Variants in ZNF648 observed in about 807,000 individuals in gnomAD.
ZNF648 encodes the protein zinc finger protein 648.
Under a neutral mutation model 0.3 loss-of-function variants are expected in ZNF648, and 1 was observed. The ratio of observed to expected loss-of-function variants is 3.90; its 90% CI spans 1.39 to 18.51. The LOEUF (loss-of-function observed/expected upper bound fraction) is 18.51. ZNF648 is among the 30% of genes most tolerant of loss of function. The probability of loss-of-function intolerance (pLI) is 0.11; values close to 1 mark genes in which losing one functional copy is unlikely to be tolerated. For missense variants in ZNF648, 874 were observed against 769.7 expected (o/e 1.14, Z -1.60); for synonymous variants, 376 against 326.8 (o/e 1.15, Z -1.62).
At chr1:182,058,334 G>C (rs1665975593) in intron 1 of ZNF648, among the ~76,000 whole-genome samples, 1 of 152,156 alleles carries the variant, frequency 6.6e-6, no homozygotes, top group Admixed American at 6.5e-5. Flanking sequence ...CTGGGTGCCA[G>C]CTGTGCCTTG....
At position 182,058,006 on chromosome 1, in the gene ZNF648, G is replaced by T. The variant is rs772315055; in HGVS notation, c.5C>A (p.Ala2Glu). Residue 2 changes from alanine to glutamate, a missense_variant, in exon 2 of 2, where the codon GCA becomes GAA. Coordinates refer to ENST00000339948, the MANE Select transcript of ZNF648 (RefSeq NM_001009992.1). Reference sequence around the variant, plus strand: ...CCACCTGTCCTGGGAGTCCACTTGTGCCATGATGTTCAGGCGCTTCTATTG... The same window carrying T: ...CCACCTGTCCTGGGAGTCCACTTGTTCCATGATGTTCAGGCGCTTCTATTG... M[A>E]QVDSQDRWGE... is the part of the protein sequence containing the mutation. 1.2e-6 allele frequency: 2 copies of T among 1,602,982 alleles called. No homozygotes were observed. The highest frequency in any genetic ancestry group is 1.1e-5 in the South Asian group (1 of 89,128).
chr1:182,067,979 G>A, the ZNF648 span, among the ~76,000 whole-genome samples: 2 of 152,322 alleles, frequency 1.3e-5, no homozygotes, highest in African/African-American at 4.8e-5. Flanking sequence ...AGACTTCTGG[G>A]AATCTTCTAT....
intron 1 of ZNF648, 69 bp from the exon 2 acceptor site, chr1:182,058,142 C>CT (rs1665972833): frequency 1.8e-6 from 2 of 1,111,442 alleles, no homozygotes; most frequent in East Asian, 5.1e-5. Flanking sequence ...AGCAGAGGGA[C>CT]TGAGGTTCCC....
At chr1:182,058,963 C>T (rs981006953) in intron 1 of ZNF648, among the ~76,000 whole-genome samples, 3 of 152,146 alleles carry the variant, frequency 2.0e-5, no homozygotes, top group African/African-American at 7.2e-5. Flanking sequence ...GCTGGGATTA[C>T]AGGTGCCCAC....
rs780441664 is a variant in ZNF648 at position 182,057,833 on chromosome 1, G to A, written c.178C>T (p.Pro60Ser). 5 of 1,614,168 alleles carry A rather than the reference G, an allele frequency of 3.1e-6. No homozygotes were observed. Among genetic ancestry groups the A allele is most frequent in the Non-Finnish European group, 3.4e-6 (4 of 1,180,024 alleles). Residue 60 changes from proline (P) to serine (S), a missense_variant, in exon 2 of 2, where the codon CCA (proline) becomes TCA (serine). Coordinates refer to ENST00000339948, the MANE Select transcript of ZNF648 (RefSeq NM_001009992.1). ...AAGTCAGGATTTTCGTGTGTTACTG[G>A]GGAGCTGCCCCTTGGACAGGCCACC... ...DPVACPRGSSPVTHENPDLPW... is the reference protein window; with the variant it reads ...DPVACPRGSSSVTHENPDLPW...
At chr1:182,065,236 G>A (rs531795856), upstream of ZNF648, among the ~76,000 whole-genome samples, 5 of 152,228 alleles carry the variant, frequency 3.3e-5, no homozygotes, top group African/African-American at 1.2e-4. Flanking sequence ...GTCCCTCAGA[G>A]CCTGCATGCT....
Position 182,057,280 on chromosome 1 carries a change from T to G in ZNF648, c.731A>C (p.Glu244Ala). Residue 244 changes from glutamate to alanine, a missense_variant, in exon 2 of 2, where the codon GAG (glutamate) becomes GCG (alanine). Glu to Ala is a moderately radical substitution (Grantham distance 107). Transcript: ENST00000339948. ...GCACCTGTAGGGACGCGCCTCAGCC[T>G]CTCCGCCCTCGCGCCGGCCCGCCTG... is the stretch of plus-strand genomic sequence containing the variant. ...QNQAGRREGGEAEARPYRCLR... is the reference protein window; with the variant it reads ...QNQAGRREGGAAEARPYRCLR... 1 of 1,593,322 alleles carries G rather than the reference T, an allele frequency of 6.3e-7. No homozygotes were observed. Among genetic ancestry groups the G allele is most frequent in the Non-Finnish European group, 8.5e-7 (1 of 1,175,128 alleles).
chr1:182,062,160 T>G (rs1463444176), upstream of ZNF648, among the ~76,000 whole-genome samples: 1 of 152,208 alleles, frequency 6.6e-6, no homozygotes, highest in Non-Finnish European at 1.5e-5. Context: ...AGCCCATTCA[T>G]TGGCTCAAAG....
At chr1:182,067,683 T>A in the ZNF648 span, among the ~76,000 whole-genome samples, 1 of 152,154 alleles carries the variant, frequency 6.6e-6, no homozygotes, top group Non-Finnish European at 1.5e-5. Context: ...TACATTGCAC[T>A]ATAGTGACCC....
chr1:182,060,713 A>G (rs1468324595), intron 1 of ZNF648, among the ~76,000 whole-genome samples: 1 of 152,150 alleles, frequency 6.6e-6, no homozygotes, highest in Non-Finnish European at 1.5e-5. Context: ...GAGGGGACAT[A>G]CCACTAGCCA....
chr1:182,057,082 G>A lies in ZNF648; in HGVS notation c.929C>T (p.Ser310Phe). ...LHTGERPYQC[S>F]FCDKAYTWSS... ...CCAGGTGTAGGCCTTGTCGCAGAAG[G>A]AGCACTGGTAGGGCCGCTCGCCCGT... is the stretch of plus-strand genomic sequence containing the variant. The change falls in exon 2 of 2, where the codon TCC becomes TTC. Residue 310 changes from serine (S) to phenylalanine (F), a missense_variant. Coordinates refer to ENST00000339948, the MANE Select transcript of ZNF648 (RefSeq NM_001009992.1). 17 of 1,612,556 alleles carry A rather than the reference G, an allele frequency of 1.1e-5. No individual in the cohort carries two copies. The highest frequency in any genetic ancestry group is 1.4e-5 in the Non-Finnish European group (17 of 1,179,924).
At chr1:182,060,066 C>T (rs1666006189) in intron 1 of ZNF648, among the ~76,000 whole-genome samples, 1 of 152,228 alleles carries the variant, frequency 6.6e-6, no homozygotes, top group Non-Finnish European at 1.5e-5. Context: ...AAAGCCGTGG[C>T]TTTCTGCAGG....
upstream of ZNF648, among the ~76,000 whole-genome samples, chr1:182,066,687 C>A (rs1439135724): frequency 1.3e-5 from 2 of 152,160 alleles, no homozygotes; most frequent in Non-Finnish European, 2.9e-5. Context: ...CTTCTTTGAG[C>A]CTCATGCTCC....
At chr1:182,059,997 A>G (rs1048021508) in intron 1 of ZNF648, among the ~76,000 whole-genome samples, 4 of 152,162 alleles carry the variant, frequency 2.6e-5, no homozygotes, top group Non-Finnish European at 5.9e-5. Context: ...TGGCCTTCAG[A>G]CTGAAGCCTG....
At position 182,056,126 on chromosome 1, in the gene ZNF648, AC is replaced by A. The variant is rs1665901155; in HGVS notation, c.*177del. 1.2e-6 allele frequency: 1 copy of A among 824,640 alleles called. No homozygotes were observed. The highest frequency in any genetic ancestry group is 1.7e-5 in the African/African-American group (1 of 57,380). 51.1% of individuals were successfully genotyped at this position (824,640 alleles called of 1,614,324 possible). A position where few individuals can be genotyped will look rare whatever the true frequency, so the allele number is the denominator to read the frequency against. ...CACTCAGAACCACTGATGTGAAACC[AC>A]CCACCTGGGTGCTCTCTCGGTGGTG... On this transcript the variant is annotated 3_prime_UTR_variant, in exon 2 of 2. Transcript: ENST00000339948.
chr1:182,058,175 G>T, intron 1 of ZNF648, 102 bp from the exon 2 acceptor site: 2 of 797,618 alleles, frequency 2.5e-6, no homozygotes, highest in Non-Finnish European at 3.9e-6. Flanking sequence ...TTTCCAACTG[G>T]TCTCCATGTC....
upstream of ZNF648, chr1:182,064,712 G>C (rs1162620317): frequency 6.6e-6 from 1 of 152,228 alleles, no homozygotes; most frequent in Admixed American, 6.5e-5. Context: ...CATTTGGGGA[G>C]AGCATGGGAT....
chr1:182,056,874 C>A lies in ZNF648; in HGVS notation c.1137G>T (p.Leu379=), dbSNP rs56693693. 6.4e-7 allele frequency: 1 copy of A among 1,573,988 alleles called. No individual in the cohort carries two copies. Among genetic ancestry groups the A allele is most frequent in the Non-Finnish European group, 8.6e-7 (1 of 1,159,896 alleles). ...CGLTFNKPLS[L]LRHQRTHLGA... ...CCAGGTGCGTGCGCTGGTGGCGCAG[C>A]AGCGACAGCGGCTTGTTGAAGGTCA... Residue 379 remains leucine, a synonymous_variant, in exon 2 of 2, where the codon CTG becomes CTT. Transcript: ENST00000339948.
rs780766933 is a variant in ZNF648, at chr1:182,057,105, C to T, written c.906G>A (p.Thr302=). The T allele has an allele frequency of 6.2e-7, 1 of 1,609,844 alleles. No homozygotes were observed. The highest frequency in any genetic ancestry group is 1.6e-4 in the Middle Eastern group (1 of 6,062). Residue 302 remains threonine (T), a synonymous_variant, in exon 2 of 2, where the codon ACG becomes ACA. Coordinates refer to ENST00000339948, the MANE Select transcript of ZNF648 (RefSeq NM_001009992.1). ...GTLQQHRRLH[T]GERPYQCSFC... ...AGGAGCACTGGTAGGGCCGCTCGCC[C>T]GTGTGCAGGCGCCTGTGCTGCTGGA...
Sources: allele counts gnomAD v4.1 joint callset (sites outside exome capture counted in the v4.1 genomes callset), GRCh38; gene constraint gnomAD v4.1.1; transcripts MANE v1.5; gene names NCBI Gene and HGNC (gene_info 2026-07-23, HGNC 2026-07-21).